Variants in MYOM2 observed in about 807,000 individuals in gnomAD.
The protein encoded by MYOM2 is myomesin 2.
Under a neutral mutation model 187.6 loss-of-function variants are expected in MYOM2, and 254 were observed. The ratio of observed to expected loss-of-function variants is 1.35; its 90% CI spans 1.22 to 1.50. MYOM2 has a LOEUF of 1.50. Ranked by LOEUF, MYOM2 falls within the 40% of genes most tolerant of loss-of-function variation. MYOM2 has a pLI of 0.00. For missense variants in MYOM2, 2,796 were observed against 1,924.0 expected (o/e 1.45, Z -8.48); for synonymous variants, 981 against 753.8 (o/e 1.30, Z -4.94).
chr8:2,102,793 A>T lies in MYOM2; in HGVS notation c.2734+12A>T. 1 of 1,598,370 alleles carries T rather than the reference A, an allele frequency of 6.3e-7. No homozygotes were observed. The highest frequency in any genetic ancestry group is 8.6e-7 in the Non-Finnish European group (1 of 1,166,420). On this transcript the variant is annotated intron_variant, in intron 21 of 36. Transcript: ENST00000262113. The stretch of plus-strand genomic sequence containing the variant: ...AGAGGCGAGACCAGGTAAGGCTTAC[A>T]ACAAAAACTACAAAACAGCAATGAT...
intron 32 of MYOM2, among the ~76,000 whole-genome samples, chr8:2,135,445 G>A (rs1244368372): frequency 1.3e-5 from 2 of 152,110 alleles, no homozygotes; most frequent in Non-Finnish European, 2.9e-5. Flanking sequence ...AAATGTGAAA[G>A]GCAGTGTGGT....
intron 31 of MYOM2, 49 bp downstream of exon 31, chr8:2,124,266 C>G (rs1797558628): frequency 1.3e-6 from 2 of 1,553,520 alleles, no homozygotes; most frequent in East Asian, 2.3e-5. Flanking sequence ...GCTGAAATCA[C>G]TATTTCCTGA....
At chr8:2,068,554 C>A (rs115385999) in intron 6 of MYOM2, among the ~76,000 whole-genome samples, 4,111 of 144,380 alleles carry the variant, frequency 0.028, 202 homozygotes, top group African/African-American at 0.1. Flanking sequence ...GTGCACCAGG[C>A]GGAGAGCATC....
At chr8:2,105,338 C>T (rs1403948037) in intron 21 of MYOM2, among the ~76,000 whole-genome samples, 1 of 152,198 alleles carries the variant, frequency 6.6e-6, no homozygotes, top group Admixed American at 6.5e-5. Flanking sequence ...GCCTCAGTTC[C>T]ACTCACCAGC....
rs1473495603 is a variant in MYOM2 at position 2,059,161 on chromosome 8, A to G, written c.569A>G (p.Asp190Gly). The change falls in exon 6 of 37, where the codon GAT becomes GGT. Residue 190 changes from aspartate to glycine, a missense_variant. By Grantham distance (94) the Asp-to-Gly change is moderately conservative. Transcript: ENST00000262113. Reference protein sequence around the residue: ...FPTPVVQWYKDGSLICQAAEP... With the variant: ...FPTPVVQWYKGGSLICQAAEP... ...ATGCCTCCCTCATTTAGGTACAAAG[A>G]TGGCAGTCTGATTTGCCAGGCGGCT... The G allele has an allele frequency of 5.0e-6, 8 of 1,613,986 alleles. No homozygotes were observed. Among genetic ancestry groups the G allele is most frequent in the Admixed American group, 1.7e-5 (1 of 60,004 alleles).
At chr8:2,075,093 A>G (rs982472443) in intron 10 of MYOM2, among the ~76,000 whole-genome samples, 105 of 152,350 alleles carry the variant, frequency 6.9e-4, no homozygotes, top group African/African-American at 2.4e-3. Flanking sequence ...GAAGGACTGT[A>G]TCATTAAAGA....
intron 32 of MYOM2, among the ~76,000 whole-genome samples, chr8:2,132,505 A>G (rs1160220381): frequency 1.3e-5 from 2 of 152,214 alleles, no homozygotes; most frequent in East Asian, 3.8e-4. Context: ...AGACATGGCT[A>G]GATCTCAAAG....
rs553211601 is a variant in MYOM2, at chr8:2,092,860, G to T, written c.2003+340G>T. On this transcript the variant is annotated intron_variant, in intron 16 of 36. Transcript: ENST00000262113. ...ATGTGAAAGTCGTTTTATTTTTTTCGTATTGATTTTTTTGAACTTGAAAGT... is the reference window on the plus strand; with the variant it reads ...ATGTGAAAGTCGTTTTATTTTTTTCTTATTGATTTTTTTGAACTTGAAAGT... Among the ~76,000 whole-genome samples, 17 of 152,028 alleles carry T rather than the reference G, an allele frequency of 1.1e-4. No individual in the cohort carries two copies. In the South Asian group the frequency reaches 3.3e-3, roughly 30 times the overall value.
At chr8:2,076,018 T>C (rs1819404420) in intron 10 of MYOM2, 123 bp from the exon 11 acceptor site, 3 of 858,172 alleles carry the variant, frequency 3.5e-6, no homozygotes, top group South Asian at 4.8e-5. Context: ...ACTTTGAACA[T>C]GAGAATTAAA....
chr8:2,069,236 A>G, intron 6 of MYOM2, 42 bp from the exon 7 acceptor site: 2 of 1,577,418 alleles, frequency 1.3e-6, no homozygotes, highest in Non-Finnish European at 1.7e-6. Context: ...TGACTTTTAC[A>G]CAACAGTCCC....
At chr8:2,075,994 A>C (rs2129335835) in intron 10 of MYOM2, 147 bp from the exon 11 acceptor site, 1 of 650,610 alleles carries the variant, frequency 1.5e-6, no homozygotes, top group Non-Finnish European at 2.4e-6. Context: ...CGCCAGAGTA[A>C]GAAATATTCT....
intron 32 of MYOM2, among the ~76,000 whole-genome samples, chr8:2,138,543 G>C (rs1163635466): frequency 6.6e-6 from 1 of 152,176 alleles, no homozygotes; most frequent in African/African-American, 2.4e-5. Flanking sequence ...TATTGTGAAG[G>C]GCTAAAGGGG....
chr8:2,052,979 C>A (rs539793845), intron 3 of MYOM2, among the ~76,000 whole-genome samples: 1 of 152,114 alleles, frequency 6.6e-6, no homozygotes, highest in Admixed American at 6.5e-5. Context: ...TTCCAGATGA[C>A]GGAGAAACAG....
intron 10 of MYOM2, among the ~76,000 whole-genome samples, chr8:2,074,115 T>G (rs1686066865): frequency 6.6e-6 from 1 of 152,236 alleles, no homozygotes; most frequent in Non-Finnish European, 1.5e-5. Flanking sequence ...ACTCATTCCA[T>G]TTATGAAAAG....
intron 13 of MYOM2, among the ~76,000 whole-genome samples, chr8:2,080,927 G>C (rs1585867293): frequency 1.4e-5 from 2 of 143,082 alleles, no homozygotes; most frequent in African/African-American, 2.6e-5. Context: ...GCCTGCGGGA[G>C]GAACAGGCAG....
chr8:2,068,310 C>T (rs1180979826), intron 6 of MYOM2, among the ~76,000 whole-genome samples: 1 of 149,636 alleles, frequency 6.7e-6, no homozygotes, highest in East Asian at 2.0e-4. Flanking sequence ...TCTTCAATGC[C>T]TGTGTGTACC....
At position 2,140,842 on chromosome 8, in the gene MYOM2, A is replaced by G. The variant is rs746376922; in HGVS notation, c.3920A>G (p.Asp1307Gly). The change falls in exon 33 of 37, where the codon GAT (aspartate) becomes GGT (glycine). Residue 1307 changes from aspartate to glycine, a missense_variant. By Grantham distance (94) the Asp-to-Gly change is moderately conservative. Coordinates refer to ENST00000262113, the MANE Select transcript of MYOM2 (RefSeq NM_003970.4). The part of the protein sequence containing the change: ...DKGKYTFEIF[D>G]GKDNHQRSLD... ...GGAAAATACACTTTTGAGATTTTCGATGGCAAAGACAACCATCAACGCTCC... is the reference window on the plus strand; with the variant it reads ...GGAAAATACACTTTTGAGATTTTCGGTGGCAAAGACAACCATCAACGCTCC... 5.0e-6 allele frequency: 8 copies of G among 1,614,146 alleles called. No individual in the cohort carries two copies. In the East Asian group the frequency reaches 8.9e-5, roughly 18 times the overall value.
At chr8:2,102,534 C>T (rs781744053) in intron 20 of MYOM2, 133 bp from the exon 21 acceptor site, 2 of 581,318 alleles carry the variant, frequency 3.4e-6, no homozygotes, top group Admixed American at 2.9e-5. Context: ...TTTTCTAACT[C>T]ATTAAGTATC....
Position 2,102,711 on chromosome 8 carries a change from G to C in MYOM2, c.2664G>C (p.Arg888=), listed in dbSNP as rs1256825856. The C allele has an allele frequency of 6.2e-7, 1 of 1,614,078 alleles. No individual in the cohort carries two copies. The highest frequency in any genetic ancestry group is 1.3e-5 in the African/African-American group (1 of 75,052). ...GTAAGACCTATGTCTTCAGGGTCCGGGCAGTCAATGCAAATGGCGTGGGGA... is the reference window on the plus strand; with the variant it reads ...GTAAGACCTATGTCTTCAGGGTCCGCGCAGTCAATGCAAATGGCGTGGGGA... ...QQGKTYVFRV[R]AVNANGVGKP... is the part of the protein sequence containing the mutation. The change falls in exon 21 of 37, where the codon CGG becomes CGC. Residue 888 remains arginine (R), a synonymous_variant. Coordinates refer to ENST00000262113, the MANE Select transcript of MYOM2 (RefSeq NM_003970.4).
Sources: allele counts gnomAD v4.1 joint callset (sites outside exome capture counted in the v4.1 genomes callset), GRCh38; gene constraint gnomAD v4.1.1; transcripts MANE v1.5; gene names NCBI Gene and HGNC (gene_info 2026-07-23, HGNC 2026-07-21).